Variants in PRSS54 observed in about 807,000 individuals in gnomAD.
The protein encoded by PRSS54 is inactive serine protease 54.
In PRSS54, 16 loss-of-function variants were observed where a neutral mutation model predicts 19.9. That is an observed-to-expected ratio of 0.80 (90% CI 0.54 to 1.22). The LOEUF is 1.22. PRSS54 is among the 50% of genes most tolerant of loss of function. PRSS54 has a pLI of 0.00. For synonymous variants in PRSS54, 177 were observed against 195.8 expected (o/e 0.90, Z 0.80); for missense variants, 444 against 494.8 (o/e 0.90, Z 0.97).
chr16:58,286,255 C>T (rs1346676549), intron 4 of PRSS54, 60 bp from the exon 5 acceptor site: 3 of 1,571,278 alleles, frequency 1.9e-6, no homozygotes, highest in African/African-American at 2.7e-5. Context: ...TCACGCTTCC[C>T]TGTTTTCCCA....
At chr16:58,284,947 T>C (rs1964878614) in intron 5 of PRSS54, among the ~76,000 whole-genome samples, 1 of 152,080 alleles carries the variant, frequency 6.6e-6, no homozygotes, top group African/African-American at 2.4e-5. Context: ...CCGGAGTAGC[T>C]GGGATTATAG....
intron 5 of PRSS54, among the ~76,000 whole-genome samples, chr16:58,285,716 CCT>C (rs1220066478): frequency 8.9e-6 from 1 of 112,210 alleles, no homozygotes; most frequent in Non-Finnish European, 1.7e-5. Context: ...TGGAAAAGAC[CCT>C]GTCTCAAAAA....
chr16:58,291,015 G>T lies in PRSS54; in HGVS notation c.207C>A (p.Phe69Leu). The T allele has an allele frequency of 6.2e-7, 1 of 1,614,204 alleles. No homozygotes were observed. Among genetic ancestry groups the T allele is most frequent in the Non-Finnish European group, 8.5e-7 (1 of 1,180,042 alleles). Residue 69 changes from phenylalanine to leucine, a missense_variant, in exon 4 of 7, where the codon TTC becomes TTA. Coordinates refer to ENST00000567164, the MANE Select transcript of PRSS54 (RefSeq NM_001305173.2). ...LQDSQYTHLA[F>L]GCILSEFWVL... is the part of the protein sequence containing the mutation. ...CCCAGAACTCGCTCAGGATGCAGCC[G>T]AAAGCCAGGTGTGTGTACTGGGAGT...
At chr16:58,293,644 A>G (rs527477944) in intron 3 of PRSS54, 88 bp downstream of exon 3, 72 of 1,545,848 alleles carry the variant, frequency 4.7e-5, no homozygotes, top group Non-Finnish European at 6.1e-5. Flanking sequence ...CCCTCCTTGG[A>G]CATTAAGGAC....
At chr16:58,284,063 A>G (rs1379199980) in intron 6 of PRSS54, among the ~76,000 whole-genome samples, 1 of 152,152 alleles carries the variant, frequency 6.6e-6, no homozygotes, top group Non-Finnish European at 1.5e-5. Context: ...GTGTGACCCT[A>G]GTAAGCCACA....
intron 3 of PRSS54, chr16:58,293,434 A>G: frequency 1.9e-6 from 1 of 524,790 alleles, no homozygotes; most frequent in African/African-American, 2.1e-5. Context: ...AGGACAGGGC[A>G]GGGGCTGGGA....
intron 4 of PRSS54, 58 bp downstream of exon 4, chr16:58,290,901 G>T: frequency 6.3e-7 from 1 of 1,579,880 alleles, no homozygotes; most frequent in South Asian, 1.1e-5. Flanking sequence ...CAGGAAACAG[G>T]GTCGCCCCCA....
At chr16:58,282,696 G>A in intron 6 of PRSS54, 1 of 152,260 alleles carries the variant, frequency 6.6e-6, no homozygotes, top group East Asian at 1.9e-4. Flanking sequence ...CAATTGACTG[G>A]TGAAGAGGCC....
At chr16:58,292,494 T>C (rs1481295348) in intron 3 of PRSS54, among the ~76,000 whole-genome samples, 1 of 152,122 alleles carries the variant, frequency 6.6e-6, no homozygotes, top group Admixed American at 6.5e-5. Context: ...TTCCAAACCA[T>C]GACCCTAAGA....
chr16:58,288,077 A>T (rs1215293334), intron 4 of PRSS54, among the ~76,000 whole-genome samples: 1 of 152,244 alleles, frequency 6.6e-6, no homozygotes, highest in Non-Finnish European at 1.5e-5. Flanking sequence ...ACCACGTGGT[A>T]TAATTCAATA....
At chr16:58,284,523 T>C in intron 6 of PRSS54, 67 bp downstream of exon 6, 1 of 1,584,938 alleles carries the variant, frequency 6.3e-7, no homozygotes, top group Non-Finnish European at 8.6e-7. Context: ...AGGGGAGTCC[T>C]GAGGCTCCCC....
chr16:58,285,421 G>A (rs1226467108), intron 5 of PRSS54: 1 of 166,954 alleles, frequency 6.0e-6, no homozygotes, highest in African/African-American at 2.4e-5. Context: ...AGGGCTAGAG[G>A]GTAAAGGACC....
intron 5 of PRSS54, among the ~76,000 whole-genome samples, 175 bp downstream of exon 5, chr16:58,285,762 G>A (rs1170546566): frequency 6.9e-6 from 1 of 144,952 alleles, no homozygotes. Context: ...AGAAGAAGAA[G>A]AGTGGCTACA....
intron 6 of PRSS54, chr16:58,281,322 G>C (rs967566352): frequency 6.4e-6 from 1 of 157,204 alleles, no homozygotes; most frequent in Non-Finnish European, 1.4e-5. Flanking sequence ...ATGGGACCCT[G>C]GCAAGTGACC....
At chr16:58,293,088 A>G (rs1965071899) in intron 3 of PRSS54, among the ~76,000 whole-genome samples, 1 of 149,024 alleles carries the variant, frequency 6.7e-6, no homozygotes, top group African/African-American at 2.5e-5. Flanking sequence ...TGTGTTTGAG[A>G]GTGTGTGTGT....
intron 4 of PRSS54, among the ~76,000 whole-genome samples, chr16:58,286,554 C>T (rs2142643421): frequency 6.6e-6 from 1 of 151,882 alleles, no homozygotes; most frequent in East Asian, 1.9e-4. Flanking sequence ...TTCTACCAAA[C>T]ATGTCATCTT....
chr16:58,291,035 G>T lies in PRSS54; in HGVS notation c.187C>A (p.Gln63Lys). Residue 63 changes from glutamine (Q) to lysine (K), a missense_variant, in exon 4 of 7, where the codon CAG becomes AAG. By Grantham distance (53) the Gln-to-Lys change is moderately conservative. Coordinates refer to ENST00000567164, the MANE Select transcript of PRSS54 (RefSeq NM_001305173.2). ...CAGCCGAAAGCCAGGTGTGTGTACT[G>T]GGAGTCCTGCAGCGACACCACCCAC... is the stretch of plus-strand genomic sequence containing the variant. ...FPWVVSLQDS[Q>K]YTHLAFGCIL... is the part of the protein sequence containing the mutation. The T allele has an allele frequency of 6.2e-7, 1 of 1,614,210 alleles. No homozygotes were observed.
rs539703152 is a variant in PRSS54 at position 58,286,248 on chromosome 16, C to T, written c.264-53G>A. 112 of 1,587,810 alleles carry T rather than the reference C, an allele frequency of 7.1e-5. No homozygotes were observed. The Middle Eastern group carries it at 2.2e-3, about 31-fold the overall frequency. ...AAGCCAAGACAGCAAGGAAGCTTCA[C>T]GCTTCCCTGTTTTCCCATTTAAGTT... On this transcript the variant is annotated intron_variant, in intron 4 of 6. Coordinates refer to ENST00000567164, the MANE Select transcript of PRSS54 (RefSeq NM_001305173.2).
At chr16:58,290,078 C>CATATACAT (rs140174763) in intron 4 of PRSS54, among the ~76,000 whole-genome samples, 99,446 of 147,380 alleles carry the variant, frequency 0.67, 34,373 homozygotes, top group African/African-American at 0.82. Context: ...ATAGATATTC[C>CATATACAT]ATATACATAT....
Sources: gnomAD v4.1 joint callset for allele counts (sites outside exome capture counted in the v4.1 genomes callset) on GRCh38, gnomAD v4.1.1 for gene constraint, MANE v1.5 for transcripts, NCBI Gene and HGNC (gene_info 2026-07-23, HGNC 2026-07-21) for gene names.